Variants in CUL1 observed in about 807,000 individuals in gnomAD.
CUL1 encodes the protein cullin-1.
In CUL1, 24 loss-of-function variants were observed where a neutral mutation model predicts 118.0. The ratio of observed to expected loss-of-function variants is 0.20; its 90% CI spans 0.15 to 0.29. The LOEUF is 0.29. Among genes scored for constraint, CUL1 ranks in the 10% least tolerant of loss-of-function variants. The pLI is 1.00. For synonymous variants in CUL1, 332 were observed against 340.4 expected (o/e 0.98, Z 0.27); for missense variants, 361 against 933.8 (o/e 0.39, Z 7.99).
intron 1 of CUL1, among the ~76,000 whole-genome samples, chr7:148,704,783 A>G (rs1479297506): frequency 6.6e-6 from 1 of 151,876 alleles, no homozygotes; most frequent in Non-Finnish European, 1.5e-5. Context: ...TGAGCAGTGG[A>G]GTTATTTTTA....
chr7:148,796,880 C>G (rs1374016883), intron 17 of CUL1, among the ~76,000 whole-genome samples: 1 of 152,180 alleles, frequency 6.6e-6, no homozygotes, highest in African/African-American at 2.4e-5. Flanking sequence ...GGGTCAGTTA[C>G]TAGACTAGAG....
intron 14 of CUL1, 127 bp from the exon 15 acceptor site, chr7:148,789,623 G>C: frequency 1.4e-6 from 1 of 734,880 alleles, no homozygotes; most frequent in South Asian, 1.8e-5. Flanking sequence ...ATTCAAGCAG[G>C]ATTTTTATTT....
chr7:148,770,371 T>A (rs1262429499), intron 9 of CUL1, among the ~76,000 whole-genome samples: 1 of 152,236 alleles, frequency 6.6e-6, no homozygotes, highest in Non-Finnish European at 1.5e-5. Context: ...CTGCCTTCAC[T>A]CACAAAAGTC....
chr7:148,771,077 C>G (rs1338928160), intron 9 of CUL1, among the ~76,000 whole-genome samples: 2 of 152,084 alleles, frequency 1.3e-5, no homozygotes, highest in African/African-American at 4.8e-5. Context: ...AAGGCACTAC[C>G]TAAGTGATTT....
intron 20 of CUL1, 93 bp from the exon 21 acceptor site, chr7:148,799,182 G>GCT: frequency 3.6e-6 from 3 of 844,586 alleles, no homozygotes; most frequent in Non-Finnish European, 5.7e-6. Flanking sequence ...CTGTGCATAG[G>GCT]CGTCGGCAGC....
At chr7:148,725,029 TA>T (rs548546579) in intron 1 of CUL1, among the ~76,000 whole-genome samples, 206 of 152,152 alleles carry the variant, frequency 1.4e-3, no homozygotes, top group African/African-American at 4.6e-3. Context: ...AAGATATGGA[TA>T]TATAGTTTGT....
At chr7:148,711,258 T>C (rs911092218) in intron 1 of CUL1, among the ~76,000 whole-genome samples, 2 of 152,230 alleles carry the variant, frequency 1.3e-5, no homozygotes, top group Non-Finnish European at 2.9e-5. Context: ...TAGTACTTGA[T>C]GTTGTAATAG....
chr7:148,790,403 T>C lies in CUL1; in HGVS notation c.1768T>C (p.Leu590=), dbSNP rs1348747393. The change falls in exon 16 of 22, where the codon TTG becomes CTG. Residue 590 remains leucine, a synonymous_variant. Transcript: ENST00000325222. ...GTTATATCAGTTGTCTAAAGGAGAA[T>C]TGGTAACTAACTGCTTCAAAAACAG... The part of the protein sequence containing the change: ...TWLYQLSKGE[L]VTNCFKNRYT... 6.8e-6 allele frequency: 11 copies of C among 1,613,888 alleles called. No individual in the cohort carries two copies. Among genetic ancestry groups the C allele is most frequent in the East Asian group, 4.5e-5 (2 of 44,898 alleles).
intron 1 of CUL1, among the ~76,000 whole-genome samples, chr7:148,717,110 A>C (rs1404127892): frequency 6.6e-6 from 1 of 152,046 alleles, no homozygotes; most frequent in East Asian, 1.9e-4. Flanking sequence ...CCCAGGCTGG[A>C]GTGCAGTGGG....
chr7:148,763,982 A>T (rs1037018417), intron 7 of CUL1, among the ~76,000 whole-genome samples: 5 of 152,056 alleles, frequency 3.3e-5, no homozygotes, highest in African/African-American at 7.3e-5. Flanking sequence ...CTTTCCAAGG[A>T]TGGCTTTGAA....
At chr7:148,748,382 G>A (rs906838818) in intron 2 of CUL1, among the ~76,000 whole-genome samples, 5 of 152,006 alleles carry the variant, frequency 3.3e-5, no homozygotes, top group African/African-American at 9.7e-5. Flanking sequence ...CAACCGAAAG[G>A]TATAATAATG....
intron 9 of CUL1, among the ~76,000 whole-genome samples, chr7:148,768,328 C>G (rs548321567): frequency 6.4e-4 from 97 of 151,146 alleles, no homozygotes; most frequent in Non-Finnish European, 1.2e-3. Flanking sequence ...CAGTTTTGCT[C>G]CTGTTGTGAA....
intron 1 of CUL1, among the ~76,000 whole-genome samples, chr7:148,719,207 A>T (rs950327270): frequency 6.6e-6 from 1 of 152,090 alleles, no homozygotes; most frequent in East Asian, 1.9e-4. Context: ...GCTACTCGGG[A>T]GGCTGAGGCA....
chr7:148,778,323 C>A (rs547594495), intron 9 of CUL1, among the ~76,000 whole-genome samples: 1 of 151,926 alleles, frequency 6.6e-6, no homozygotes, highest in East Asian at 1.9e-4. Context: ...CTATTAATAT[C>A]AAAATTAATG....
intron 1 of CUL1, among the ~76,000 whole-genome samples, chr7:148,728,901 G>C (rs1193827067): frequency 2.6e-5 from 4 of 152,166 alleles, no homozygotes; most frequent in African/African-American, 9.7e-5. Flanking sequence ...ACATAGGTTT[G>C]CAGGCTTTGA....
At chr7:148,791,115 G>A (rs1451288147) in intron 16 of CUL1, among the ~76,000 whole-genome samples, 1 of 152,162 alleles carries the variant, frequency 6.6e-6, no homozygotes, top group African/African-American at 2.4e-5. Context: ...GAGGCTAGGA[G>A]TTTGAGACAA....
chr7:148,758,637 A>T (rs1028741841), intron 4 of CUL1, among the ~76,000 whole-genome samples: 2 of 152,116 alleles, frequency 1.3e-5, no homozygotes, highest in Non-Finnish European at 2.9e-5. Flanking sequence ...GAAAAGCATA[A>T]TGTATCCCAG....
At chr7:148,777,722 GA>G (rs772158306) in intron 9 of CUL1, among the ~76,000 whole-genome samples, 2 of 152,022 alleles carry the variant, frequency 1.3e-5, no homozygotes, top group Non-Finnish European at 2.9e-5. Context: ...GGCTTTGGGG[GA>G]GGAGCATTTT....
At chr7:148,740,970 C>G (rs192238629) in intron 2 of CUL1, among the ~76,000 whole-genome samples, 2 of 152,300 alleles carry the variant, frequency 1.3e-5, no homozygotes, top group East Asian at 3.9e-4. Flanking sequence ...GCCGTCTTGT[C>G]TGGTATTTTG....
Sources: gnomAD v4.1 joint callset for allele counts (sites outside exome capture counted in the v4.1 genomes callset) on GRCh38, gnomAD v4.1.1 for gene constraint, MANE v1.5 for transcripts, NCBI Gene and HGNC (gene_info 2026-07-23, HGNC 2026-07-21) for gene names.